Variants in YLPM1 observed in about 807,000 individuals in gnomAD.
YLPM1 encodes the protein YLP motif-containing protein 1.
Under a neutral mutation model 230.0 loss-of-function variants are expected in YLPM1, and 99 were observed. The observed-to-expected ratio is 0.43, with a 90% CI of 0.37 to 0.51. The LOEUF is 0.51. Ranked by LOEUF, YLPM1 falls within the 20% of genes least tolerant of loss-of-function variation. YLPM1 has a pLI of 0.00. For synonymous variants in YLPM1, 984 were observed against 942.5 expected (o/e 1.04, Z -0.81); for missense variants, 2,592 against 2,707.7 (o/e 0.96, Z 0.95).
At position 74,763,354 on chromosome 14, in the gene YLPM1, C is replaced by G. The variant is rs927592579; in HGVS notation, c.-136C>G. On this transcript the variant is annotated 5_prime_UTR_variant, in exon 1 of 21. Transcript: ENST00000325680. ...GGCCCAGCTCGGGAGCGCCGGCGCACTGGCGCGCTCCGTTTACACGCTCCG... is the reference window on the plus strand; with the variant it reads ...GGCCCAGCTCGGGAGCGCCGGCGCAGTGGCGCGCTCCGTTTACACGCTCCG... 1.8e-6 allele frequency: 2 copies of G among 1,130,948 alleles called. No homozygotes were observed. The highest frequency in any genetic ancestry group is 4.1e-5 in the Admixed American group (1 of 24,218). The allele number at this position is 1,130,948 out of a possible 1,614,324, so 70.1% of individuals were successfully genotyped here. A position where few individuals can be genotyped will look rare whatever the true frequency, so the allele number is the denominator to read the frequency against.
intron 10 of YLPM1, among the ~76,000 whole-genome samples, chr14:74,812,067 G>A (rs1329779997): frequency 6.6e-6 from 1 of 152,132 alleles, no homozygotes; most frequent in East Asian, 1.9e-4. Context: ...TATCGTGATT[G>A]TTCTGATTGA....
In YLPM1 at chr14:74,828,712, CA is replaced by C. The variant is rs562175317; in HGVS notation, c.6164-489del. Reference sequence around the variant, plus strand: ...GAATGCACTCACAGCAACCAAAATCCAAAAAAAAAAAATGTTCATCTAAAAC... The same window carrying C: ...GAATGCACTCACAGCAACCAAAATCCAAAAAAAAAAATGTTCATCTAAAAC... On this transcript the variant is annotated intron_variant, in intron 18 of 20. Coordinates refer to ENST00000325680, the MANE Select transcript of YLPM1 (RefSeq NM_019589.3). 2.7e-3 allele frequency among the ~76,000 whole-genome samples: 388 copies of C among 141,800 alleles called. 1 individual carries two copies. Among genetic ancestry groups the C allele is most frequent in the African/African-American group, 5.8e-3 (227 of 38,820 alleles). The allele number at this position is 141,800 out of a possible 152,430, so 93.0% of individuals were successfully genotyped here. A position where few individuals can be genotyped will look rare whatever the true frequency, so the allele number is the denominator to read the frequency against.
intron 4 of YLPM1, among the ~76,000 whole-genome samples, chr14:74,789,710 T>C (rs1294359138): frequency 1.3e-5 from 2 of 151,642 alleles, no homozygotes; most frequent in East Asian, 3.9e-4. Context: ...TCATTACAAC[T>C]TTGACCTCCT....
chr14:74,816,828 A>G, intron 13 of YLPM1, 103 bp from the exon 14 acceptor site: 1 of 1,441,744 alleles, frequency 6.9e-7, no homozygotes, highest in Non-Finnish European at 9.2e-7. Flanking sequence ...TTGGGTGTGA[A>G]GGAAAGACTA....
chr14:74,775,390 A>G (rs2091025314), intron 1 of YLPM1, among the ~76,000 whole-genome samples: 1 of 152,190 alleles, frequency 6.6e-6, no homozygotes, highest in African/African-American at 2.4e-5. Context: ...AGAAAAAGGT[A>G]TGTATTATGT....
chr14:74,799,653 G>A lies in YLPM1; in HGVS notation c.4356G>A (p.Gln1452=), dbSNP rs114080195. The change falls in exon 5 of 21, where the codon CAG becomes CAA. Residue 1452 remains glutamine, a synonymous_variant. Coordinates refer to ENST00000325680, the MANE Select transcript of YLPM1 (RefSeq NM_019589.3). ...LGGVMVLSQR[Q]HEIILKAAQE... ...GGGTAATGGTTCTCAGTCAGAGGCA[G>A]CATGAAATCATTTTGAAAGCTGCAC... 6.0e-4 allele frequency: 969 copies of A among 1,612,232 alleles called. 3 individuals carry two copies. In the African/African-American group the frequency reaches 0.011, roughly 19 times the overall value.
At chr14:74,806,910 T>A (rs1260122039) in intron 6 of YLPM1, among the ~76,000 whole-genome samples, 1 of 152,064 alleles carries the variant, frequency 6.6e-6, no homozygotes, top group African/African-American at 2.4e-5. Flanking sequence ...TTTCACTATA[T>A]AGAATGAAGA....
Position 74,799,082 on chromosome 14 carries a change from G to T in YLPM1, c.3785G>T (p.Gly1262Val). 6.2e-7 allele frequency: 1 copy of T among 1,614,006 alleles called. No homozygotes were observed. Among genetic ancestry groups the T allele is most frequent in the Non-Finnish European group, 8.5e-7 (1 of 1,179,900 alleles). Residue 1262 changes from glycine (G) to valine (V), a missense_variant, in exon 5 of 21, where the codon GGC becomes GTC. By Grantham distance (109) the Gly-to-Val change is moderately radical. Around this residue, in one of 4 missense-constraint regions of YLPM1, gnomAD observed 1,862 missense variants for 1,819.8 expected, o/e 1.02. Coordinates refer to ENST00000325680, the MANE Select transcript of YLPM1 (RefSeq NM_019589.3). ...PSRSHDGDRR[G>V]PWWDDWERDQ... ...CGGTCTCATGATGGAGATAGGCGAG[G>T]CCCTTGGTGGGATGATTGGGAGAGA...
intron 19 of YLPM1, 149 bp from the exon 20 acceptor site, chr14:74,835,116 C>T (rs936031534): frequency 4.0e-6 from 4 of 989,328 alleles, no homozygotes; most frequent in Middle Eastern, 3.1e-4. Flanking sequence ...AAATATATGG[C>T]TTTTCCCAGT....
intron 13 of YLPM1, 106 bp downstream of exon 13, chr14:74,816,796 T>A: frequency 6.8e-7 from 1 of 1,460,072 alleles, no homozygotes; most frequent in Non-Finnish European, 9.1e-7. Flanking sequence ...CTCTCTCTTT[T>A]CCGAACACAG....
chr14:74,778,568 A>G lies in YLPM1; in HGVS notation c.995A>G (p.Glu332Gly), dbSNP rs2091063988. 6.2e-7 allele frequency: 1 copy of G among 1,604,888 alleles called. No individual in the cohort carries two copies. Reference sequence around the variant, plus strand: ...AAGGATACACCAGAGCCGGTAAAAGAAGAAGTTACAGTACCTGCCACCAGT... The same window carrying G: ...AAGGATACACCAGAGCCGGTAAAAGGAGAAGTTACAGTACCTGCCACCAGT... ...VAKDTPEPVKEEVTVPATSQV... is the reference protein window; with the variant it reads ...VAKDTPEPVKGEVTVPATSQV... Residue 332 changes from glutamate (E) to glycine (G), a missense_variant, in exon 2 of 21, where the codon GAA becomes GGA. Glu to Gly is a moderately conservative substitution (Grantham distance 98, BLOSUM62 -2). Transcript: ENST00000325680.
At chr14:74,764,894 A>G (rs1246210029) in intron 1 of YLPM1, among the ~76,000 whole-genome samples, 1 of 152,182 alleles carries the variant, frequency 6.6e-6, no homozygotes, top group East Asian at 1.9e-4. Context: ...TCTTACCAGG[A>G]GCATCCTAAT....
chr14:74,818,191 A>G (rs1242524163), intron 15 of YLPM1, 40 bp from the exon 16 acceptor site: 4 of 1,447,034 alleles, frequency 2.8e-6, no homozygotes, highest in Non-Finnish European at 3.8e-6. Flanking sequence ...GTCTTTGAGT[A>G]GTTTCTAGAG....
In YLPM1 at chr14:74,817,017, CT is replaced by C; in HGVS notation, c.5778del (p.Phe1928SerfsTer33). ...CTTTCAAAAAGACTCTGGATGATGGCTTTTTTCCCTTCATCATCCTGGATGC... is the reference window on the plus strand; with the variant it reads ...CTTTCAAAAAGACTCTGGATGATGGCTTTTTCCCTTCATCATCCTGGATGC... ...KTFKKTLDDG[F>X]FPFIILDAIN... On this transcript the variant is annotated frameshift_variant, in exon 14 of 21. Coordinates refer to ENST00000325680, the MANE Select transcript of YLPM1 (RefSeq NM_019589.3). LOFTEE classifies it high-confidence loss of function. 1.2e-6 allele frequency: 2 copies of C among 1,611,790 alleles called. No individual in the cohort carries two copies. Among genetic ancestry groups the C allele is most frequent in the Non-Finnish European group, 1.7e-6 (2 of 1,179,094 alleles).
chr14:74,805,904 C>T (rs181713297), intron 6 of YLPM1, among the ~76,000 whole-genome samples: 2 of 150,000 alleles, frequency 1.3e-5, no homozygotes, highest in Admixed American at 6.6e-5. Context: ...TAGGGTTTCA[C>T]CATGTTGGCC....
Position 74,763,394 on chromosome 14 carries a change from C to T in YLPM1, c.-96C>T, listed in dbSNP as rs1367611649. On this transcript the variant is annotated 5_prime_UTR_variant, in exon 1 of 21. Transcript: ENST00000325680. ...TACACGCTCCGGGGCCTGTAGGCGC[C>T]GCGAGTTCCGGCTGTCGCCGTCGCC... 1 of 1,367,862 alleles carries T rather than the reference C, an allele frequency of 7.3e-7. No individual in the cohort carries two copies. The highest frequency in any genetic ancestry group is 2.8e-5 in the East Asian group (1 of 35,306). 84.7% of individuals were successfully genotyped at this position (1,367,862 alleles called of 1,614,324 possible). A position where few individuals can be genotyped will look rare whatever the true frequency, so the allele number is the denominator to read the frequency against.
chr14:74,824,672 A>G (rs1473308011), intron 18 of YLPM1, among the ~76,000 whole-genome samples: 1 of 152,038 alleles, frequency 6.6e-6, no homozygotes, highest in African/African-American at 2.4e-5. Flanking sequence ...CTGATTATGA[A>G]TACTTTAGAT....
intron 11 of YLPM1, 134 bp downstream of exon 11, chr14:74,812,916 A>C (rs1420082182): frequency 4.2e-6 from 5 of 1,179,572 alleles, no homozygotes; most frequent in Non-Finnish European, 4.6e-6. Context: ...ACTATCTCTA[A>C]ATCACCATAT....
At chr14:74,781,306 T>C in intron 3 of YLPM1, 28 bp from the exon 4 acceptor site, 2 of 1,493,326 alleles carry the variant, frequency 1.3e-6, no homozygotes, top group Non-Finnish European at 1.8e-6. Flanking sequence ...TGAATGGTTT[T>C]AAATAGTTTT....
Sources: gnomAD v4.1 joint callset for allele counts (sites outside exome capture counted in the v4.1 genomes callset) on GRCh38, gnomAD v4.1.1 for gene constraint, gnomAD v4.1.1 regional missense constraint, MANE v1.5 for transcripts, NCBI Gene and HGNC (gene_info 2026-07-23, HGNC 2026-07-21) for gene names.